CWF19L1: variants seen among roughly 807,000 people sequenced by gnomAD.
CWF19L1 encodes CWF19-like protein 1.
CWF19L1 carries 60 observed loss-of-function variants against 69.7 expected under a neutral mutation model. The observed-to-expected ratio is 0.86, with a 90% CI of 0.70 to 1.07. The LOEUF is 1.07. Ranked by LOEUF, CWF19L1 falls within the 50% of genes least tolerant of loss-of-function variation. CWF19L1 has a pLI of 0.00. For missense variants in CWF19L1, 591 were observed against 638.9 expected (o/e 0.92, Z 0.81); for synonymous variants, 209 against 222.2 (o/e 0.94, Z 0.53).
At chr10:100,244,517 G>C (rs1293071338) in intron 9 of CWF19L1, among the ~76,000 whole-genome samples, 1 of 151,638 alleles carries the variant, frequency 6.6e-6, no homozygotes, top group Non-Finnish European at 1.5e-5. Context: ...CACCACGCCT[G>C]GTTAATTTTT....
At chr10:100,246,333 G>A (rs918660820) in intron 8 of CWF19L1, among the ~76,000 whole-genome samples, 9 of 152,180 alleles carry the variant, frequency 5.9e-5, no homozygotes, top group African/African-American at 1.9e-4. Flanking sequence ...AAAGCAGACC[G>A]TGCATGCTAG....
Position 100,241,285 on chromosome 10 carries a change from G to A in CWF19L1, c.1044+2413C>T, listed in dbSNP as rs562783631. Among the ~76,000 whole-genome samples, 29 of 152,186 alleles carry A rather than the reference G, an allele frequency of 1.9e-4. No homozygotes were observed. In the South Asian group the frequency reaches 5.6e-3, roughly 29 times the overall value. On this transcript the variant is annotated intron_variant, in intron 10 of 13. Coordinates refer to ENST00000354105, the MANE Select transcript of CWF19L1 (RefSeq NM_018294.6). ...TTCCCAAAGTGCTGGGATTACAGCC[G>A]TGAGCAGGCGTGAGCCACTGCACCC...
At chr10:100,241,586 A>T (rs1169477227) in intron 10 of CWF19L1, among the ~76,000 whole-genome samples, 1 of 152,236 alleles carries the variant, frequency 6.6e-6, no homozygotes, top group Non-Finnish European at 1.5e-5. Flanking sequence ...TTGTGTTGCT[A>T]TAATAGAATA....
At chr10:100,260,430 T>G (rs1041332485) in intron 3 of CWF19L1, 111 bp from the exon 4 acceptor site, 3 of 588,734 alleles carry the variant, frequency 5.1e-6, no homozygotes, top group Non-Finnish European at 8.9e-6. Context: ...AGTCCATGCA[T>G]TCACATTCCC....
intron 1 of CWF19L1, among the ~76,000 whole-genome samples, chr10:100,266,718 C>A (rs1021298252): frequency 6.7e-6 from 1 of 148,176 alleles, no homozygotes; most frequent in African/African-American, 2.6e-5. Flanking sequence ...CGGGGTGTCA[C>A]CACGTTGGCC....
intron 11 of CWF19L1, among the ~76,000 whole-genome samples, 174 bp downstream of exon 11, chr10:100,237,848 C>A (rs918591445): frequency 1.3e-5 from 2 of 151,922 alleles, no homozygotes; most frequent in African/African-American, 4.8e-5. Context: ...AGGGTTTCAC[C>A]GTGTTGCCCA....
Position 100,238,063 on chromosome 10 carries a change from C to T in CWF19L1, c.1213G>A (p.Val405Ile). Residue 405 changes from valine to isoleucine, a missense_variant, in exon 11 of 14, where the codon GTA becomes ATA. Transcript: ENST00000354105. ...TGGCTCTTATAATTTCTCTCAAATACAACACACCATTTCCCTCGACTCTTA... is the reference window on the plus strand; with the variant it reads ...TGGCTCTTATAATTTCTCTCAAATATAACACACCATTTCCCTCGACTCTTA... ...FFKSRGKWCV[V>I]FERNYKSHHL... is the part of the protein sequence containing the mutation. 6.2e-7 allele frequency: 1 copy of T among 1,614,198 alleles called. No individual in the cohort carries two copies. Among genetic ancestry groups the T allele is most frequent in the East Asian group, 2.2e-5 (1 of 44,890 alleles).
chr10:100,246,095 C>T, intron 8 of CWF19L1, 182 bp from the exon 9 acceptor site: 2 of 531,466 alleles, frequency 3.8e-6, no homozygotes, highest in East Asian at 2.9e-5. Flanking sequence ...CTCAGTCATA[C>T]ATCAACACTT....
At chr10:100,256,573 G>T in intron 4 of CWF19L1, 97 bp from the exon 5 acceptor site, 1 of 916,254 alleles carries the variant, frequency 1.1e-6, no homozygotes, top group Non-Finnish European at 1.7e-6. Flanking sequence ...CTATGTCCCT[G>T]CCATTTTACA....
rs1846518101 is a variant in CWF19L1 at position 100,238,265 on chromosome 10, T to C, written c.1045-34A>G. The C allele has an allele frequency of 3.1e-6, 5 of 1,592,788 alleles. 1 individual carries two copies. Among genetic ancestry groups the C allele is most frequent in the Non-Finnish European group, 4.3e-6 (5 of 1,160,828 alleles). On this transcript the variant is annotated intron_variant, in intron 10 of 13. Coordinates refer to ENST00000354105, the MANE Select transcript of CWF19L1 (RefSeq NM_018294.6). ...GCAGCACACAGAATTGAGACATCAA[T>C]ACAGCATGTAGGATTCTCCAGGGAG... is the stretch of plus-strand genomic sequence containing the variant.
intron 1 of CWF19L1, chr10:100,262,476 C>CTTAGTAGT (rs1359521350): frequency 1.0e-6 from 1 of 985,158 alleles, no homozygotes; most frequent in Non-Finnish European, 1.2e-6. Context: ...TATCTTAGTA[C>CTTAGTAGT]AGGGCTTCAG....
intron 1 of CWF19L1, 94 bp from the exon 2 acceptor site, chr10:100,262,157 T>C: frequency 2.0e-6 from 3 of 1,477,858 alleles, no homozygotes; most frequent in South Asian, 1.4e-5. Flanking sequence ...GATAGATACA[T>C]GATCTAGTCT....
At chr10:100,244,369 T>C (rs1458011418) in intron 9 of CWF19L1, among the ~76,000 whole-genome samples, 1 of 152,362 alleles carries the variant, frequency 6.6e-6, no homozygotes, top group African/African-American at 2.4e-5. Context: ...TATTTTATTT[T>C]TTTTGAGACG....
intron 4 of CWF19L1, among the ~76,000 whole-genome samples, chr10:100,257,534 G>A (rs902854948): frequency 1.3e-5 from 2 of 151,750 alleles, no homozygotes; most frequent in African/African-American, 2.4e-5. Flanking sequence ...TCTTGACCTC[G>A]TGAACTGCCC....
At chr10:100,250,188 A>C in intron 7 of CWF19L1, 60 bp downstream of exon 7, 1 of 1,122,726 alleles carries the variant, frequency 8.9e-7, no homozygotes, top group Non-Finnish European at 1.4e-6. Flanking sequence ...ACTGGACAAG[A>C]GATACATTTA....
chr10:100,249,751 A>AT (rs1160044145), intron 7 of CWF19L1, among the ~76,000 whole-genome samples: 4 of 151,908 alleles, frequency 2.6e-5, no homozygotes, highest in African/African-American at 9.7e-5. Flanking sequence ...CACCTGGCTA[A>AT]TTTTTTTTAT....
rs188247430 is a variant in CWF19L1 at position 100,251,667 on chromosome 10, A to G, written c.624-1335T>C. On this transcript the variant is annotated intron_variant, in intron 6 of 13. Transcript: ENST00000354105. ...GCTGGGACTACAGGCGCCCGCCACC[A>G]TGCCCAGCTAATTTTTTGTATTTTT... Among the ~76,000 whole-genome samples, 350 of 152,112 alleles carry G rather than the reference A, an allele frequency of 2.3e-3. 1 individual carries two copies. The highest frequency in any genetic ancestry group is 8.1e-3 in the African/African-American group (338 of 41,508).
intron 10 of CWF19L1, among the ~76,000 whole-genome samples, chr10:100,239,836 C>T (rs1438505503): frequency 6.6e-6 from 1 of 152,160 alleles, no homozygotes; most frequent in Admixed American, 6.5e-5. Context: ...AGTTAATTTT[C>T]CAGATGACTA....
chr10:100,266,106 CT>C (rs1251374244), intron 1 of CWF19L1, among the ~76,000 whole-genome samples: 1 of 151,994 alleles, frequency 6.6e-6, no homozygotes, highest in Non-Finnish European at 1.5e-5. Flanking sequence ...GCCTTCTTGA[CT>C]CCTATCATTA....
Sources: gnomAD v4.1 joint callset for allele counts (sites outside exome capture counted in the v4.1 genomes callset) on GRCh38, gnomAD v4.1.1 for gene constraint, MANE v1.5 for transcripts, NCBI Gene and HGNC (gene_info 2026-07-23, HGNC 2026-07-21) for gene names.